The following HBS1L variants were observed in gnomAD, a reference collection of about 807,000 sequenced individuals.
HBS1L encodes HBS1-like protein.
A neutral mutation model predicts 88.9 loss-of-function variants in HBS1L; 55 were observed. The ratio of observed to expected loss-of-function variants is 0.62; its 90% CI spans 0.50 to 0.77. The LOEUF is 0.77. HBS1L is among the 30% of genes least tolerant of loss of function. HBS1L has a pLI of 0.00. For synonymous variants in HBS1L, 267 were observed against 288.5 expected, an observed-to-expected ratio of 0.93 and a Z score of 0.76; for missense variants, 741 against 829.3, an observed-to-expected ratio of 0.89 and a Z score of 1.31.
At chr6:135,024,439 CAAAAAA>C (rs60663059) in intron 4 of HBS1L, among the ~76,000 whole-genome samples, 2 of 66,498 alleles carry the variant, frequency 3.0e-5, no homozygotes, top group Admixed American at 1.7e-4. Flanking sequence ...GACTTCGTCT[CAAAAAA>C]AAAAAAAAAA....
chr6:135,029,179 T>C (rs866923203), intron 4 of HBS1L, among the ~76,000 whole-genome samples: 2 of 152,042 alleles, frequency 1.3e-5, no homozygotes, highest in African/African-American at 4.8e-5. Context: ...AATTATCTTG[T>C]AGTGGAGCAT....
intron 13 of HBS1L, 27 bp from the exon 14 acceptor site, chr6:134,979,295 A>G: frequency 6.6e-7 from 1 of 1,506,592 alleles, no homozygotes; most frequent in Non-Finnish European, 9.2e-7. Context: ...ACCAAAGCAT[A>G]CAGTGAAACA....
intron 4 of HBS1L, chr6:135,036,035 AG>A (rs1268637471): frequency 2.9e-6 from 2 of 686,722 alleles, no homozygotes; most frequent in Admixed American, 1.3e-4. Flanking sequence ...TACTCTCAAA[AG>A]TCAGGAATTT....
intron 1 of HBS1L, among the ~76,000 whole-genome samples, chr6:135,053,398 T>C (rs1014158503): frequency 3.3e-5 from 5 of 152,232 alleles, no homozygotes; most frequent in Admixed American, 3.3e-4. Context: ...TTAATGGTGG[T>C]TGAGGAAATG....
rs1449301289 is a variant in HBS1L at position 134,963,757 on chromosome 6, A to C, written c.*1522T>G. 2.6e-5 allele frequency: 4 copies of C among 152,306 alleles called. No individual in the cohort carries two copies. Among genetic ancestry groups the C allele is most frequent in the African/African-American group, 7.2e-5 (3 of 41,542 alleles). 9.4% of individuals were successfully genotyped at this position (152,306 alleles called of 1,614,324 possible). On this transcript the variant is annotated 3_prime_UTR_variant, in exon 18 of 18. Coordinates refer to ENST00000367837, the MANE Select transcript of HBS1L (RefSeq NM_006620.4). ...TATAGAGTTTGAGAGCAAAACCAGCACCAGGGAAGGCAGAGTGGAGATGAG... is the reference window on the plus strand; with the variant it reads ...TATAGAGTTTGAGAGCAAAACCAGCCCCAGGGAAGGCAGAGTGGAGATGAG...
chr6:135,037,829 C>T (rs1359092726), intron 4 of HBS1L: 3 of 1,545,902 alleles, frequency 1.9e-6, no homozygotes, highest in East Asian at 4.9e-5. Context: ...AGTTTCTTTT[C>T]ACTTTTACGT....
At chr6:134,983,800 G>C (rs1774900346) in intron 12 of HBS1L, among the ~76,000 whole-genome samples, 1 of 152,114 alleles carries the variant, frequency 6.6e-6, no homozygotes, top group Non-Finnish European at 1.5e-5. Flanking sequence ...GAGGACTGAG[G>C]CAGCAGAACA....
At chr6:135,029,683 A>G (rs1776331576) in intron 4 of HBS1L, among the ~76,000 whole-genome samples, 1 of 152,124 alleles carries the variant, frequency 6.6e-6, no homozygotes, top group African/African-American at 2.4e-5. Flanking sequence ...ATTTCTAGAA[A>G]TGTAGGATGC....
intron 2 of HBS1L, among the ~76,000 whole-genome samples, chr6:135,043,400 G>A (rs1360708963): frequency 6.6e-6 from 1 of 152,188 alleles, no homozygotes; most frequent in East Asian, 1.9e-4. Context: ...TTATTAAAGG[G>A]AAGCTACATT....
chr6:134,994,534 T>G (rs1349393898), intron 7 of HBS1L, among the ~76,000 whole-genome samples: 1 of 152,128 alleles, frequency 6.6e-6, no homozygotes, highest in Non-Finnish European at 1.5e-5. Flanking sequence ...TTTTTTGGAC[T>G]TGGAATATTT....
intron 16 of HBS1L, among the ~76,000 whole-genome samples, chr6:134,968,583 T>C (rs1774385729): frequency 6.6e-6 from 1 of 152,152 alleles, no homozygotes. Flanking sequence ...TCTCTAGTCC[T>C]GTATTTTGTT....
At chr6:135,031,800 C>A (rs765369757) in intron 4 of HBS1L, among the ~76,000 whole-genome samples, 1 of 151,572 alleles carries the variant, frequency 6.6e-6, no homozygotes, top group African/African-American at 2.4e-5. Context: ...ATGTCAATGT[C>A]GGAAATAAAT....
chr6:135,042,580 G>A (rs369397452), intron 2 of HBS1L, among the ~76,000 whole-genome samples: 1 of 152,116 alleles, frequency 6.6e-6, no homozygotes, highest in Admixed American at 6.6e-5. Flanking sequence ...AGGCCAAGGC[G>A]GGTAGATCAC....
At position 134,965,160 on chromosome 6, in the gene HBS1L, TTC is replaced by T. The variant is rs1276119965; in HGVS notation, c.*117_*118del. ...TTGCAGCTAATTTTAGCTTTAATTTTTCTCTCTCATCTAAAAACATATCAATT... is the reference window on the plus strand; with the variant it reads ...TTGCAGCTAATTTTAGCTTTAATTTTTCTCTCATCTAAAAACATATCAATT... On this transcript the variant is annotated 3_prime_UTR_variant, in exon 18 of 18. Coordinates refer to ENST00000367837, the MANE Select transcript of HBS1L (RefSeq NM_006620.4). The T allele has an allele frequency of 5.2e-5, 45 of 864,738 alleles. No homozygotes were observed. Among genetic ancestry groups the T allele is most frequent in the Non-Finnish European group, 8.4e-5 (44 of 524,340 alleles). 53.6% of individuals were successfully genotyped at this position (864,738 alleles called of 1,614,324 possible).
At chr6:135,029,195 T>A (rs1342062624) in intron 4 of HBS1L, among the ~76,000 whole-genome samples, 2 of 152,044 alleles carry the variant, frequency 1.3e-5, no homozygotes, top group African/African-American at 4.8e-5. Flanking sequence ...AGCATAACTT[T>A]CCAAAACCCT....
At chr6:135,042,532 A>G (rs566844696) in intron 2 of HBS1L, among the ~76,000 whole-genome samples, 2 of 152,272 alleles carry the variant, frequency 1.3e-5, no homozygotes, top group African/African-American at 4.8e-5. Flanking sequence ...AAGGTGGCCA[A>G]GCGCAGTGGC....
intron 4 of HBS1L, among the ~76,000 whole-genome samples, chr6:135,017,730 T>C (rs1352260079): frequency 2.6e-5 from 4 of 151,962 alleles, no homozygotes; most frequent in Non-Finnish European, 5.9e-5. Context: ...AAGGCAAAGA[T>C]AAATTATGTT....
chr6:135,053,136 T>C (rs1406891867), intron 1 of HBS1L, among the ~76,000 whole-genome samples: 1 of 152,138 alleles, frequency 6.6e-6, no homozygotes, highest in African/African-American at 2.4e-5. Flanking sequence ...GAAGCCAAGG[T>C]GCTCCCTGAG....
intron 12 of HBS1L, among the ~76,000 whole-genome samples, chr6:134,984,134 T>G (rs2114778476): frequency 6.6e-6 from 1 of 152,302 alleles, no homozygotes; most frequent in East Asian, 1.9e-4. Context: ...CAAACACTGT[T>G]AATCAAAGAA....
Sources: allele counts gnomAD v4.1 joint callset (sites outside exome capture counted in the v4.1 genomes callset), GRCh38; gene constraint gnomAD v4.1.1; transcripts MANE v1.5; gene names NCBI Gene and HGNC (gene_info 2026-07-23, HGNC 2026-07-21).